PCDHA5: variants seen among roughly 807,000 people sequenced by gnomAD.
PCDHA5 encodes protocadherin alpha-5.
PCDHA5 carries 43 observed loss-of-function variants against 61.6 expected under a neutral mutation model. That is an observed-to-expected ratio of 0.70 (90% CI 0.55 to 0.90). PCDHA5 has a LOEUF of 0.90. Ranked by LOEUF, PCDHA5 falls within the 40% of genes least tolerant of loss-of-function variation. The pLI, the probability that PCDHA5 is intolerant of heterozygous loss-of-function variation, is 0.00. For synonymous variants in PCDHA5, 627 were observed against 543.9 expected, an observed-to-expected ratio of 1.15 and a Z score of -2.13; for missense variants, 1,298 against 1,222.7, an observed-to-expected ratio of 1.06 and a Z score of -0.92.
intron 1 of PCDHA5, chr5:140,871,154 G>T (rs781880372): frequency 2.5e-5 from 41 of 1,613,308 alleles, no homozygotes; most frequent in Non-Finnish European, 3.5e-5. Flanking sequence ...ACTTTGGCGG[G>T]CGCCGCGAGC....
intron 1 of PCDHA5, among the ~76,000 whole-genome samples, chr5:140,948,364 G>C (rs1554218529): frequency 6.6e-6 from 1 of 151,472 alleles, no homozygotes; most frequent in African/African-American, 2.4e-5. Flanking sequence ...AAATGACTTA[G>C]GAGGTGTTCC....
chr5:140,927,685 A>G lies in PCDHA5; in HGVS notation c.2353-51264A>G, dbSNP rs782137754. 2.5e-6 allele frequency: 4 copies of G among 1,614,092 alleles called. No individual in the cohort carries two copies. In the African/African-American group the frequency reaches 4.0e-5, roughly 16 times the overall value. ...AGCCTTGGATCCAGATGAAGGGTCC[A>G]ATGGGGAAGTCCAGTACTCCCTAAG... is the stretch of plus-strand genomic sequence containing the variant. On this transcript the variant is annotated intron_variant, in intron 1 of 3. Transcript: ENST00000529859.
Position 141,004,229 on chromosome 5 carries a change from T to G in PCDHA5, c.2501-5398T>G, listed in dbSNP as rs368330742. On this transcript the variant is annotated intron_variant, in intron 3 of 3. Transcript: ENST00000529859. ...AGATTAGGAGGTCAGTCAGTGTTTG[T>G]CAGATCCTTAAGCTTTTGTTTTACT... Among the ~76,000 whole-genome samples, 5 of 152,250 alleles carry G rather than the reference T, an allele frequency of 3.3e-5. No individual in the cohort carries two copies. The East Asian group carries it at 7.7e-4, about 23-fold the overall frequency.
In PCDHA5 at chr5:140,857,667, G is replaced by A. The variant is rs375722457; in HGVS notation, c.2352+33540G>A. 3.4e-5 allele frequency: 54 copies of A among 1,596,806 alleles called. 7 individuals are homozygous for A. The highest frequency in any genetic ancestry group is 4.5e-5 in the Non-Finnish European group (52 of 1,167,800). ...TTCCAGGTGAGCGCGCGCGATGGGGGCGTGCCGCCTCTGGGCAGCAACTTG... is the reference window on the plus strand; with the variant it reads ...TTCCAGGTGAGCGCGCGCGATGGGGACGTGCCGCCTCTGGGCAGCAACTTG... On this transcript the variant is annotated intron_variant, in intron 1 of 3. Coordinates refer to ENST00000529859, the MANE Select transcript of PCDHA5 (RefSeq NM_018908.3).
At chr5:140,924,416 T>G (rs1283567998) in intron 1 of PCDHA5, among the ~76,000 whole-genome samples, 1 of 152,192 alleles carries the variant, frequency 6.6e-6, no homozygotes, top group African/African-American at 2.4e-5. Context: ...CAGTGTGCCC[T>G]TTCTAGTTCC....
intron 1 of PCDHA5, among the ~76,000 whole-genome samples, chr5:140,908,850 C>T (rs1234928966): frequency 6.6e-6 from 1 of 152,160 alleles, no homozygotes; most frequent in Non-Finnish European, 1.5e-5. Flanking sequence ...GTAACATACC[C>T]AAATGAGGAA....
chr5:140,865,358 A>G (rs935527495), intron 1 of PCDHA5: 2 of 152,230 alleles, frequency 1.3e-5, no homozygotes, highest in Non-Finnish European at 2.9e-5. Flanking sequence ...TACATATTGC[A>G]GGATAACCAT....
chr5:140,900,309 C>T (rs1183008231), intron 1 of PCDHA5, among the ~76,000 whole-genome samples: 1 of 151,686 alleles, frequency 6.6e-6, no homozygotes, highest in Non-Finnish European at 1.5e-5. Context: ...GACAGTCTCA[C>T]TTTTGTCGCC....
intron 1 of PCDHA5, chr5:140,831,085 G>C (rs1771371659): frequency 6.6e-6 from 1 of 152,106 alleles, no homozygotes; most frequent in African/African-American, 2.4e-5. Flanking sequence ...AGGAATAAAG[G>C]ACAAAAACAA....
intron 3 of PCDHA5, among the ~76,000 whole-genome samples, chr5:141,008,708 T>G (rs1197464501): frequency 1.3e-5 from 2 of 152,210 alleles, no homozygotes; most frequent in African/African-American, 4.8e-5. Flanking sequence ...GGTTTCTAGT[T>G]GCTTGAGTGT....
Position 140,995,742 on chromosome 5 carries a change from A to G in PCDHA5, c.2500+13179A>G, listed in dbSNP as rs1354360972. Among the ~76,000 whole-genome samples the G allele has an allele frequency of 7.2e-5, 11 of 152,280 alleles. No individual in the cohort carries two copies. In the East Asian group the frequency reaches 2.1e-3, roughly 29 times the overall value. On this transcript the variant is annotated intron_variant, in intron 3 of 3. Coordinates refer to ENST00000529859, the MANE Select transcript of PCDHA5 (RefSeq NM_018908.3). Reference sequence around the variant, plus strand: ...CTTAGGTAATCCTGGTGGATTTGGTATATCATGTCTGAGAAAATGTGGAGA... The same window carrying G: ...CTTAGGTAATCCTGGTGGATTTGGTGTATCATGTCTGAGAAAATGTGGAGA...
intron 1 of PCDHA5, chr5:140,875,323 A>G: frequency 2.1e-6 from 3 of 1,427,940 alleles, no homozygotes; most frequent in South Asian, 3.2e-5. Flanking sequence ...CCAATCATTC[A>G]CGGAATAGGA....
rs1774863213 is a variant in PCDHA5 at position 140,837,000 on chromosome 5, G to A, written c.2352+12873G>A. The A allele has an allele frequency of 1.8e-5, 6 of 331,444 alleles. No individual in the cohort carries two copies. The East Asian group carries it at 3.3e-4, about 18-fold the overall frequency. 20.5% of individuals were successfully genotyped at this position (331,444 alleles called of 1,614,324 possible). A position where few individuals can be genotyped will look rare whatever the true frequency, so the allele number is the denominator to read the frequency against. On this transcript the variant is annotated intron_variant, in intron 1 of 3. Coordinates refer to ENST00000529859, the MANE Select transcript of PCDHA5 (RefSeq NM_018908.3). ...TTGGAGGAGGACTTTGCTAACTGGAGCAATGGATTCACCTTTCTTCTATAG... is the reference window on the plus strand; with the variant it reads ...TTGGAGGAGGACTTTGCTAACTGGAACAATGGATTCACCTTTCTTCTATAG...
chr5:140,828,245 C>G lies in PCDHA5; in HGVS notation c.2352+4118C>G, dbSNP rs1354249187. On this transcript the variant is annotated intron_variant, in intron 1 of 3. Coordinates refer to ENST00000529859, the MANE Select transcript of PCDHA5 (RefSeq NM_018908.3). Reference sequence around the variant, plus strand: ...CTTCGTGGGCCGGATCGCGCAGGACCTGGGGCTGGAGCTGGCGGAGCTGGT... The same window carrying G: ...CTTCGTGGGCCGGATCGCGCAGGACGTGGGGCTGGAGCTGGCGGAGCTGGT... 59 of 1,613,838 alleles carry G rather than the reference C, an allele frequency of 3.7e-5. No individual in the cohort carries two copies. The highest frequency in any genetic ancestry group is 4.7e-5 in the Non-Finnish European group (55 of 1,180,056).
At chr5:140,967,936 T>G in intron 1 of PCDHA5, 1 of 1,614,226 alleles carries the variant, frequency 6.2e-7, no homozygotes, top group Non-Finnish European at 8.5e-7. Flanking sequence ...TCAGTGTCAA[T>G]GACCAAGACT....
chr5:140,884,176 T>G, intron 1 of PCDHA5: 1 of 1,613,372 alleles, frequency 6.2e-7, no homozygotes, highest in Non-Finnish European at 8.5e-7. Flanking sequence ...CGACGCGCCC[T>G]CTGGACGAGG....
chr5:140,836,877 C>A, intron 1 of PCDHA5: 1 of 682,570 alleles, frequency 1.5e-6, no homozygotes, highest in Non-Finnish European at 2.3e-6. Flanking sequence ...GCTGTATTTG[C>A]ACTAATTATT....
intron 1 of PCDHA5, among the ~76,000 whole-genome samples, chr5:140,965,602 A>G (rs1319736678): frequency 6.6e-6 from 1 of 152,126 alleles, no homozygotes; most frequent in African/African-American, 2.4e-5. Context: ...AGACTCTTGA[A>G]GACATTGTCA....
rs2150240828 is a variant in PCDHA5 at position 140,835,651 on chromosome 5, T to C, written c.2352+11524T>C. The C allele has an allele frequency of 5.0e-6, 8 of 1,613,900 alleles. No individual in the cohort carries two copies. The Admixed American group carries it at 6.7e-5, about 13-fold the overall frequency. On this transcript the variant is annotated intron_variant, in intron 1 of 3. Transcript: ENST00000529859. ...CGCGAGAGTGTGTCCGCCTATGAGC[T>C]GGTGGTTACCGCGCGGGACGGGGGC...
Sources: allele counts gnomAD v4.1 joint callset (sites outside exome capture counted in the v4.1 genomes callset), GRCh38; gene constraint gnomAD v4.1.1; transcripts MANE v1.5; gene names NCBI Gene and HGNC (gene_info 2026-07-23, HGNC 2026-07-21).